Variants in TEC observed in about 807,000 individuals in gnomAD.
The protein encoded by TEC is tec protein tyrosine kinase.
A neutral mutation model predicts 93.0 loss-of-function variants in TEC; 72 were observed. The ratio of observed to expected loss-of-function variants is 0.77; its 90% confidence interval spans 0.64 to 0.94. The LOEUF (loss-of-function observed/expected upper bound fraction) is 0.94, where lower values mean the gene tolerates loss of function less well. Among genes scored for constraint, TEC ranks in the 40% least tolerant of loss-of-function variants. TEC has a pLI of 0.00. For synonymous variants in TEC, 249 were observed against 247.7 expected, an observed-to-expected ratio of 1.01 and a Z score of -0.05; for missense variants, 630 against 757.9, an observed-to-expected ratio of 0.83 and a Z score of 1.98.
intron 14 of TEC, among the ~76,000 whole-genome samples, chr4:48,142,618 A>G (rs1327737486): frequency 1.3e-5 from 2 of 152,236 alleles, no homozygotes; most frequent in African/African-American, 4.8e-5. Context: ...ACAAGGTTTA[A>G]GAAAATAGTT....
intron 2 of TEC, among the ~76,000 whole-genome samples, chr4:48,185,467 T>C (rs1721782789): frequency 6.6e-6 from 1 of 152,244 alleles, no homozygotes; most frequent in Admixed American, 6.5e-5. Flanking sequence ...TTGATGATTC[T>C]ATGAGAAACT....
rs570793273 is a variant in TEC, at chr4:48,251,563, A to G, written c.-46+18189T>C. Among the ~76,000 whole-genome samples the G allele has an allele frequency of 4.6e-5, 7 of 152,238 alleles. 1 individual carries two copies. In the South Asian group the frequency reaches 1.2e-3, roughly 27 times the overall value. Reference sequence around the variant, plus strand: ...CCCCACTGGTTGTAAGTTTCACAGGAAAGGAACCTGTTCTGTGCATTCACC... The same window carrying G: ...CCCCACTGGTTGTAAGTTTCACAGGGAAGGAACCTGTTCTGTGCATTCACC... On this transcript the variant is annotated intron_variant, in intron 1 of 17. Coordinates refer to ENST00000381501, the MANE Select transcript of TEC (RefSeq NM_003215.3).
At position 48,136,337 on chromosome 4, in the gene TEC, C is replaced by T. The variant is rs1719417964; in HGVS notation, c.*1079G>A. ...AAAAACGTCCGGGAGGCACGGAACA[C>T]CATGCTGGCTGCTTCTCTCCGTAGC... On this transcript the variant is annotated 3_prime_UTR_variant, in exon 18 of 18. Coordinates refer to ENST00000381501, the MANE Select transcript of TEC (RefSeq NM_003215.3). The T allele has an allele frequency of 6.6e-6, 1 of 152,216 alleles. No homozygotes were observed. The highest frequency in any genetic ancestry group is 1.5e-5 in the Non-Finnish European group (1 of 68,072). 9.4% of individuals were successfully genotyped at this position (152,216 alleles called of 1,614,324 possible). A position where few individuals can be genotyped will look rare whatever the true frequency, so the allele number is the denominator to read the frequency against.
At chr4:48,189,038 T>G (rs1402127375) in intron 2 of TEC, among the ~76,000 whole-genome samples, 1 of 152,252 alleles carries the variant, frequency 6.6e-6, no homozygotes, top group Non-Finnish European at 1.5e-5. Flanking sequence ...TTCATGGTTT[T>G]TCATTTACTG....
chr4:48,179,376 ATTTT>A (rs1159156668), intron 2 of TEC, among the ~76,000 whole-genome samples: 216 of 21,028 alleles, frequency 0.01, no homozygotes, highest in Non-Finnish European at 0.012. Context: ...ATATATATAT[ATTTT>A]TTTTTTTTTT....
chr4:48,137,316 T>G lies in TEC; in HGVS notation c.*100A>C. On this transcript the variant is annotated 3_prime_UTR_variant, in exon 18 of 18. Coordinates refer to ENST00000381501, the MANE Select transcript of TEC (RefSeq NM_003215.3). Reference sequence around the variant, plus strand: ...TATTTATGTGTTTCCACTGTATAAGTAAAATGATCTACATGTCCAAGTGCT... The same window carrying G: ...TATTTATGTGTTTCCACTGTATAAGGAAAATGATCTACATGTCCAAGTGCT... 1.1e-6 allele frequency: 1 copy of G among 913,876 alleles called. No individual in the cohort carries two copies. Among genetic ancestry groups the G allele is most frequent in the Non-Finnish European group, 1.7e-6 (1 of 580,098 alleles). 56.6% of individuals were successfully genotyped at this position (913,876 alleles called of 1,614,324 possible). A position where few individuals can be genotyped will look rare whatever the true frequency, so the allele number is the denominator to read the frequency against.
chr4:48,146,391 T>C lies in TEC; in HGVS notation c.1015A>G (p.Thr339Ala). 6.2e-7 allele frequency: 1 copy of C among 1,613,724 alleles called. No individual in the cohort carries two copies. Among genetic ancestry groups the C allele is most frequent in the Non-Finnish European group, 8.5e-7 (1 of 1,179,682 alleles). ...ACACTAACTGGGTACCGAAGCCTGGTGACAAGTCCTAATAATCAAAGAAAG... is the reference window on the plus strand; with the variant it reads ...ACACTAACTGGGTACCGAAGCCTGGCGACAAGTCCTAATAATCAAAGAAAG... ...YHKHNAAGLV[T>A]RLRYPVSVKG... Residue 339 changes from threonine to alanine, a missense_variant, in exon 12 of 18, where the codon ACC (threonine) becomes GCC (alanine). Transcript: ENST00000381501.
chr4:48,236,229 C>T (rs1158934942), intron 1 of TEC, among the ~76,000 whole-genome samples: 2 of 151,984 alleles, frequency 1.3e-5, no homozygotes, highest in Non-Finnish European at 2.9e-5. Flanking sequence ...TGAAACAAAA[C>T]TTCAGGATTC....
intron 2 of TEC, among the ~76,000 whole-genome samples, chr4:48,217,079 G>C (rs1212133764): frequency 6.6e-6 from 1 of 152,010 alleles, no homozygotes; most frequent in African/African-American, 2.4e-5. Context: ...GGGAGGAAAC[G>C]AGAGAGATGG....
At chr4:48,183,987 GC>G (rs1485147724) in intron 2 of TEC, among the ~76,000 whole-genome samples, 1 of 152,044 alleles carries the variant, frequency 6.6e-6, no homozygotes, top group African/African-American at 2.4e-5. Flanking sequence ...AAACAGTAAT[GC>G]TTTTACCTGA....
At chr4:48,214,041 T>C (rs1005730053) in intron 2 of TEC, among the ~76,000 whole-genome samples, 12 of 152,322 alleles carry the variant, frequency 7.9e-5, no homozygotes, top group African/African-American at 2.9e-4. Flanking sequence ...GTGAGATCTT[T>C]ATATTAAAGA....
Position 48,210,459 on chromosome 4 carries a change from TG to T in TEC, c.138+18017del, listed in dbSNP as rs1485311309. Among the ~76,000 whole-genome samples the T allele has an allele frequency of 3.3e-5, 5 of 151,114 alleles. No individual in the cohort carries two copies. In the East Asian group the frequency reaches 9.7e-4, roughly 29 times the overall value. On this transcript the variant is annotated intron_variant, in intron 2 of 17. Transcript: ENST00000381501. ...ATGACCACACCACTGCACTCCAGTC[TG>T]AGTGACAGAATGAGACTGCCTCTTT...
chr4:48,143,678 A>T (rs7682890), intron 14 of TEC, among the ~76,000 whole-genome samples: 60,768 of 151,970 alleles, frequency 0.4, 12,548 homozygotes, highest in Admixed American at 0.48. Context: ...CAATTCTCTA[A>T]TATGTTTTAA....
intron 14 of TEC, among the ~76,000 whole-genome samples, chr4:48,144,219 A>G (rs2109506794): frequency 6.6e-6 from 1 of 152,092 alleles, no homozygotes; most frequent in African/African-American, 2.4e-5. Flanking sequence ...GTCTCAAAGG[A>G]AAAAAAAATT....
intron 1 of TEC, among the ~76,000 whole-genome samples, chr4:48,241,475 G>A (rs1013407728): frequency 3.9e-5 from 6 of 152,142 alleles, no homozygotes; most frequent in African/African-American, 1.4e-4. Context: ...CAGTTCTATT[G>A]CAGAATTACT....
At chr4:48,204,982 G>C (rs931714881) in intron 2 of TEC, among the ~76,000 whole-genome samples, 3 of 152,192 alleles carry the variant, frequency 2.0e-5, no homozygotes, top group African/African-American at 7.2e-5. Flanking sequence ...CCCTGACACA[G>C]TTGGTGAACT....
chr4:48,177,636 C>T (rs1041495504), intron 2 of TEC, among the ~76,000 whole-genome samples: 1 of 152,170 alleles, frequency 6.6e-6, no homozygotes, highest in Non-Finnish European at 1.5e-5. Context: ...AACATATGCA[C>T]ACACTAGAAC....
intron 2 of TEC, among the ~76,000 whole-genome samples, chr4:48,185,020 A>C (rs1721757985): frequency 6.6e-6 from 1 of 152,006 alleles, no homozygotes; most frequent in African/African-American, 2.4e-5. Flanking sequence ...TGCAAAGCAC[A>C]GATATCAAAG....
chr4:48,247,130 A>G (rs1237829624), intron 1 of TEC, among the ~76,000 whole-genome samples: 1 of 113,194 alleles, frequency 8.8e-6, no homozygotes, highest in African/African-American at 2.6e-5. Context: ...GTCAGCAAAC[A>G]TATAAAAAAA....
Sources: allele counts gnomAD v4.1 joint callset (sites outside exome capture counted in the v4.1 genomes callset), GRCh38; gene constraint gnomAD v4.1.1; transcripts MANE v1.5; gene names NCBI Gene and HGNC (gene_info 2026-07-23, HGNC 2026-07-21).